Variants in EIF2B3 observed in about 807,000 individuals in gnomAD.
EIF2B3 encodes eukaryotic translation initiation factor 2B subunit gamma.
Under a neutral mutation model 54.1 loss-of-function variants are expected in EIF2B3, and 20 were observed. The ratio of observed to expected loss-of-function variants is 0.37; its 90% CI spans 0.26 to 0.54. The LOEUF is 0.54. EIF2B3 is among the 20% of genes least tolerant of loss of function. EIF2B3 has a pLI of 0.86. For synonymous variants in EIF2B3, 153 were observed against 188.1 expected (o/e 0.81, Z 1.52); for missense variants, 448 against 547.8 (o/e 0.82, Z 1.82).
intron 6 of EIF2B3, among the ~76,000 whole-genome samples, chr1:44,890,179 C>T (rs756071932): frequency 7.2e-5 from 11 of 152,046 alleles, no homozygotes; most frequent in Non-Finnish European, 1.5e-4. Flanking sequence ...GATATAAAAA[C>T]GGGACTCTTG....
At chr1:44,867,848 AAC>A (rs1375110780) in intron 10 of EIF2B3, among the ~76,000 whole-genome samples, 2 of 151,150 alleles carry the variant, frequency 1.3e-5, no homozygotes, top group Non-Finnish European at 2.9e-5. Context: ...CAGCCTAGGC[AAC>A]ACAGAGATTC....
intron 11 of EIF2B3, among the ~76,000 whole-genome samples, chr1:44,856,618 A>G (rs954554577): frequency 6.6e-6 from 1 of 151,674 alleles, no homozygotes; most frequent in Admixed American, 6.6e-5. Context: ...TTGAGATGTG[A>G]ACTGAGGTCT....
At chr1:44,867,486 C>T (rs1160681701) in intron 10 of EIF2B3, among the ~76,000 whole-genome samples, 1 of 152,124 alleles carries the variant, frequency 6.6e-6, no homozygotes, top group Admixed American at 6.6e-5. Flanking sequence ...TTTCAAGCCT[C>T]AGCAGCCCAC....
At chr1:44,892,596 A>T (rs1655832464) in intron 6 of EIF2B3, among the ~76,000 whole-genome samples, 1 of 152,066 alleles carries the variant, frequency 6.6e-6, no homozygotes, top group South Asian at 2.1e-4. Flanking sequence ...AAAAAAAAAA[A>T]GTAAAGCTTT....
At chr1:44,929,471 A>G (rs186100143) in intron 4 of EIF2B3, among the ~76,000 whole-genome samples, 1 of 152,342 alleles carries the variant, frequency 6.6e-6, no homozygotes, top group East Asian at 1.9e-4. Flanking sequence ...ATAAAAAATT[A>G]TATGTTGGGG....
chr1:44,926,571 GTTTTA>G (rs2148932289), intron 5 of EIF2B3, 52 bp downstream of exon 5: 1 of 1,409,162 alleles, frequency 7.1e-7, no homozygotes, highest in Admixed American at 1.7e-5. Context: ...CCACTGGGTG[GTTTTA>G]TTTTGTTTTA....
At chr1:44,974,628 T>C (rs1304217024) in intron 3 of EIF2B3, among the ~76,000 whole-genome samples, 1 of 151,778 alleles carries the variant, frequency 6.6e-6, no homozygotes, top group Admixed American at 6.6e-5. Flanking sequence ...AACTGCACAC[T>C]AGCCTGGGTG....
intron 3 of EIF2B3, among the ~76,000 whole-genome samples, chr1:44,944,384 C>T (rs1034491786): frequency 6.6e-6 from 1 of 151,734 alleles, no homozygotes; most frequent in Non-Finnish European, 1.5e-5. Context: ...AATCCCAGTG[C>T]TTTGGGATGC....
At chr1:44,898,877 AG>A (rs1385123312) in intron 5 of EIF2B3, among the ~76,000 whole-genome samples, 1 of 152,100 alleles carries the variant, frequency 6.6e-6, no homozygotes, top group Non-Finnish European at 1.5e-5. Context: ...TTTTTGGTAG[AG>A]ACAAGGTCTC....
intron 2 of EIF2B3, among the ~76,000 whole-genome samples, chr1:44,979,983 T>C (rs1569891500): frequency 6.6e-6 from 1 of 151,896 alleles, no homozygotes; most frequent in African/African-American, 2.4e-5. Context: ...CTTCATTCAA[T>C]ACAAAGAGAG....
At chr1:44,852,257 C>A (rs1654296160) in intron 11 of EIF2B3, among the ~76,000 whole-genome samples, 2 of 151,946 alleles carry the variant, frequency 1.3e-5, no homozygotes, top group South Asian at 4.2e-4. Flanking sequence ...AGCCACCGCA[C>A]TTGGCCCTGT....
chr1:44,907,386 C>G (rs1272262786), intron 5 of EIF2B3, among the ~76,000 whole-genome samples: 1 of 151,500 alleles, frequency 6.6e-6, no homozygotes, highest in Non-Finnish European at 1.5e-5. Context: ...GGTGAAACCT[C>G]ATTTCTACTA....
intron 5 of EIF2B3, among the ~76,000 whole-genome samples, chr1:44,923,810 TTTCA>T (rs1016603539): frequency 1.3e-5 from 2 of 151,716 alleles, no homozygotes; most frequent in African/African-American, 4.9e-5. Context: ...TCTTTCTTTC[TTTCA>T]TTTTTTTGAG....
In EIF2B3 at chr1:44,869,758, G is replaced by A. The variant is rs143234249; in HGVS notation, c.1202+4920C>T. Among the ~76,000 whole-genome samples, 358 of 151,750 alleles carry A rather than the reference G, an allele frequency of 2.4e-3. 1 individual carries two copies. Among genetic ancestry groups the A allele is most frequent in the African/African-American group, 8.4e-3 (346 of 41,420 alleles). The stretch of plus-strand genomic sequence containing the variant: ...TGGGACTATAGGCGCGAGCCACCAC[G>A]CCTGGCTAATTTGGCCAATTCTTTA... On this transcript the variant is annotated intron_variant, in intron 10 of 11. Transcript: ENST00000360403.
chr1:44,881,555 T>C lies in EIF2B3; in HGVS notation c.784+57A>G. ...GGGCTGGGCTAAGCTGCCCAACCACTCTTTCCAAAGGTGCTGCTACCCTTG... is the reference window on the plus strand; with the variant it reads ...GGGCTGGGCTAAGCTGCCCAACCACCCTTTCCAAAGGTGCTGCTACCCTTG... On this transcript the variant is annotated intron_variant, in intron 7 of 11. Coordinates refer to ENST00000360403, the MANE Select transcript of EIF2B3 (RefSeq NM_020365.5). The surrounding 1 kb of genome is among the most constrained non-coding windows in gnomAD (Gnocchi z 4.0). 1 of 1,608,656 alleles carries C rather than the reference T, an allele frequency of 6.2e-7. No homozygotes were observed. The highest frequency in any genetic ancestry group is 8.5e-7 in the Non-Finnish European group (1 of 1,176,926).
intron 3 of EIF2B3, chr1:44,958,792 G>A: frequency 7.3e-7 from 1 of 1,363,970 alleles, no homozygotes; most frequent in African/African-American, 1.4e-5. Flanking sequence ...GTATTGGCAG[G>A]ACTGCGACAA....
At chr1:44,898,835 C>T (rs1244378559) in intron 5 of EIF2B3, among the ~76,000 whole-genome samples, 1 of 152,070 alleles carries the variant, frequency 6.6e-6, no homozygotes, top group Non-Finnish European at 1.5e-5. Context: ...GCACTGCAGG[C>T]ATGCATCACT....
intron 10 of EIF2B3, among the ~76,000 whole-genome samples, chr1:44,867,105 C>T (rs984087665): frequency 1.3e-5 from 2 of 152,156 alleles, no homozygotes; most frequent in African/African-American, 4.8e-5. Flanking sequence ...GAGGTCTACA[C>T]TTGCTAACTG....
At chr1:44,936,407 C>G (rs1643947164) in intron 4 of EIF2B3, among the ~76,000 whole-genome samples, 1 of 146,924 alleles carries the variant, frequency 6.8e-6, no homozygotes, top group South Asian at 2.2e-4. Flanking sequence ...TGGTGAAACC[C>G]CATCTCTACT....
Sources: gnomAD v4.1 joint callset for allele counts (sites outside exome capture counted in the v4.1 genomes callset) on GRCh38, gnomAD v4.1.1 for gene constraint, Gnocchi (gnomAD v3.1) non-coding constraint, MANE v1.5 for transcripts, NCBI Gene and HGNC (gene_info 2026-07-23, HGNC 2026-07-21) for gene names.